Variants in IQANK1 observed in about 807,000 individuals in gnomAD.
IQANK1 encodes IQ motif and ankyrin repeat containing 1.
Under a neutral mutation model 22.6 loss-of-function variants are expected in IQANK1, and 30 were observed. That is an observed-to-expected ratio of 1.33 (90% confidence interval 0.99 to 1.80). The LOEUF is 1.80. Among genes scored for constraint, IQANK1 ranks in the 40% most tolerant of loss-of-function variants. The pLI is 0.00. For missense variants in IQANK1, 275 were observed against 235.2 expected (o/e 1.17, Z -1.11); for synonymous variants, 122 against 99.6 (o/e 1.23, Z -1.34).
Position 143,751,664 on chromosome 8 carries a change from G to GTATATATATATATATA in IQANK1, c.175+11730_175+11731insTATATATATATATATA, listed in dbSNP as rs71318622. Among the ~76,000 whole-genome samples the GTATATATATATATATA allele has an allele frequency of 2.1e-3, 130 of 61,540 alleles. 4 individuals carry two copies. Among genetic ancestry groups the GTATATATATATATATA allele is most frequent in the South Asian group, 0.017 (24 of 1,426 alleles). The allele number at this position is 61,540 out of a possible 152,430, so 40.4% of individuals were successfully genotyped here. The stretch of plus-strand genomic sequence containing the variant: ...TGTGTGTGTGTGTGTGTGTGTGTGT[G>GTATATATATATATATA]TATATATATATATAAAATCCTATAC... On this transcript the variant is annotated intron_variant, in intron 3 of 13. Transcript: ENST00000527139.
chr8:143,757,763 C>G (rs1246872115), intron 3 of IQANK1, among the ~76,000 whole-genome samples: 1 of 152,162 alleles, frequency 6.6e-6, no homozygotes, highest in Non-Finnish European at 1.5e-5. Flanking sequence ...ATTCTCCCAC[C>G]TCAGCCTTTT....
At position 143,773,313 on chromosome 8, in the gene IQANK1, A is replaced by AAC. The variant is rs1554630002; in HGVS notation, c.789+832_789+833insCA. ...CAGAGTGAGACTCAAAAAAAAAAAA[A>AAC]AAACAAAAAAAACACAAAAAAAACA... is the stretch of plus-strand genomic sequence containing the variant. On this transcript the variant is annotated intron_variant, in intron 7 of 13. Transcript: ENST00000527139. Among the ~76,000 whole-genome samples, 504 of 137,018 alleles carry AAC rather than the reference A, an allele frequency of 3.7e-3. 8 individuals are homozygous for AAC. Among genetic ancestry groups the AAC allele is most frequent in the East Asian group, 0.022 (112 of 4,990 alleles). The allele number at this position is 137,018 out of a possible 152,430, so 89.9% of individuals were successfully genotyped here. A position where few individuals can be genotyped will look rare whatever the true frequency, so the allele number is the denominator to read the frequency against.
At chr8:143,738,374 CT>C (rs1163800860) in intron 2 of IQANK1, among the ~76,000 whole-genome samples, 1 of 152,200 alleles carries the variant, frequency 6.6e-6, no homozygotes, top group Non-Finnish European at 1.5e-5. Flanking sequence ...GCTTGGCCCC[CT>C]GTTCCAGGTC....
At chr8:143,757,289 A>C (rs1322965948) in intron 3 of IQANK1, among the ~76,000 whole-genome samples, 2 of 151,966 alleles carry the variant, frequency 1.3e-5, no homozygotes, top group African/African-American at 4.8e-5. Context: ...AGGCCTGCAG[A>C]TACGCCCGGT....
rs1818858390 is a variant in IQANK1, at chr8:143,739,963, G to A, written c.175+15G>A. 1 of 683,858 alleles carries A rather than the reference G, an allele frequency of 1.5e-6. No individual in the cohort carries two copies. 42.4% of individuals were successfully genotyped at this position (683,858 alleles called of 1,614,324 possible). On this transcript the variant is annotated intron_variant, in intron 3 of 13. Coordinates refer to ENST00000527139, the MANE Select transcript of IQANK1 (RefSeq NM_001381874.1). ...GGCCCCCACAGGTGAGAGCCCGCAC[G>A]TCCCGCGCCGCTGTGGGTGACCGGG...
intron 3 of IQANK1, among the ~76,000 whole-genome samples, chr8:143,768,860 A>C (rs575903337): frequency 2.0e-5 from 3 of 152,178 alleles, no homozygotes; most frequent in African/African-American, 7.2e-5. Flanking sequence ...TTTTATGTGC[A>C]TCATCTGCAA....
rs1176075926 is a variant in IQANK1, at chr8:143,789,826, G to C, written c.1152G>C (p.Ala384=). 1.6e-6 allele frequency: 2 copies of C among 1,232,184 alleles called. No individual in the cohort carries two copies. The highest frequency in any genetic ancestry group is 4.2e-5 in the Admixed American group (1 of 23,732). 76.3% of individuals were successfully genotyped at this position (1,232,184 alleles called of 1,614,324 possible). A position where few individuals can be genotyped will look rare whatever the true frequency, so the allele number is the denominator to read the frequency against. Reference sequence around the variant, plus strand: ...AGGAGGCCCAGAAGGCCGAGGAGGCGCTGGCTATGGCCAGGCTGGAGCTTC... The same window carrying C: ...AGGAGGCCCAGAAGGCCGAGGAGGCCCTGGCTATGGCCAGGCTGGAGCTTC... The part of the protein sequence containing the change: ...LRQEAQKAEE[A]LAMARLELRE... The change falls in exon 11 of 14, where the codon GCG becomes GCC. Residue 384 remains alanine (A), a synonymous_variant. Coordinates refer to ENST00000527139, the MANE Select transcript of IQANK1 (RefSeq NM_001381874.1).
At position 143,734,169 on chromosome 8, in the gene IQANK1, AG is replaced by A. The variant is rs1818653054; in HGVS notation, c.-51del. On this transcript the variant is annotated 5_prime_UTR_variant, in exon 1 of 14. Coordinates refer to ENST00000527139, the MANE Select transcript of IQANK1 (RefSeq NM_001381874.1). ...CTAGGAAACGAGCGAGCCCGACGCC[AG>A]GGGCGGAGCTCTGGCCTCCTCGCCG... is the stretch of plus-strand genomic sequence containing the variant. The A allele has an allele frequency of 6.6e-6, 1 of 152,126 alleles. No homozygotes were observed. Among genetic ancestry groups the A allele is most frequent in the African/African-American group, 2.4e-5 (1 of 41,422 alleles). The allele number at this position is 152,126 out of a possible 1,614,324, so 9.4% of individuals were successfully genotyped here.
At chr8:143,772,626 G>A (rs1045828625) in intron 7 of IQANK1, 144 bp downstream of exon 7, 1 of 396,086 alleles carries the variant, frequency 2.5e-6, no homozygotes, top group Non-Finnish European at 4.4e-6. Context: ...TCACCCGACC[G>A]GCTGTCTCTG....
intron 3 of IQANK1, among the ~76,000 whole-genome samples, chr8:143,743,629 C>G (rs529993782): frequency 5.9e-5 from 9 of 152,308 alleles, no homozygotes; most frequent in African/African-American, 2.2e-4. Context: ...GGGTGTGTTC[C>G]TTAAGCTGAA....
chr8:143,741,355 G>A (rs78319681), intron 3 of IQANK1, among the ~76,000 whole-genome samples: 4,573 of 152,072 alleles, frequency 0.03, 223 homozygotes, highest in African/African-American at 0.1. Flanking sequence ...CTGCATCCTG[G>A]CCACACTGAC....
chr8:143,734,827 C>G (rs1324387058), intron 1 of IQANK1, among the ~76,000 whole-genome samples: 19 of 151,396 alleles, frequency 1.3e-4, no homozygotes, highest in African/African-American at 4.4e-4. Context: ...ATACCAGACG[C>G]CCCCCCATGT....
rs1394995181 is a variant in IQANK1, at chr8:143,751,654, G to GTATA, written c.175+11707_175+11708insATAT. On this transcript the variant is annotated intron_variant, in intron 3 of 13. Transcript: ENST00000527139. ...TGTGTGTGTGTGTGTGTGTGTGTGT[G>GTATA]TGTGTGTGTGTATATATATATATAA... 1.5e-3 allele frequency among the ~76,000 whole-genome samples: 54 copies of GTATA among 37,032 alleles called. No homozygotes were observed. In the South Asian group the frequency reaches 0.02, roughly 14 times the overall value. The allele number at this position is 37,032 out of a possible 152,430, so 24.3% of individuals were successfully genotyped here.
chr8:143,781,349 G>C (rs886237751), intron 7 of IQANK1, among the ~76,000 whole-genome samples: 2 of 152,020 alleles, frequency 1.3e-5, no homozygotes, highest in Admixed American at 1.3e-4. Context: ...GTCAATTTTT[G>C]CTTTTGTTTT....
chr8:143,742,249 C>G (rs1238033041), intron 3 of IQANK1: 1 of 400,070 alleles, frequency 2.5e-6, no homozygotes, highest in Non-Finnish European at 5.1e-6. Flanking sequence ...GTCAGTGATA[C>G]ACAGCGCTCA....
chr8:143,780,490 A>G (rs1379740608), intron 7 of IQANK1, among the ~76,000 whole-genome samples: 1 of 152,046 alleles, frequency 6.6e-6, no homozygotes, highest in East Asian at 1.9e-4. Context: ...TCCACCCTCA[A>G]GTAGATCCTA....
At chr8:143,745,146 C>T (rs1205764377) in intron 3 of IQANK1, 1 of 152,268 alleles carries the variant, frequency 6.6e-6, no homozygotes, top group African/African-American at 2.4e-5. Context: ...GGCTTCCAGC[C>T]TCCTCTTCAG....
intron 9 of IQANK1, 90 bp from the exon 10 acceptor site, chr8:143,789,346 G>A (rs1317099423): frequency 3.3e-6 from 2 of 599,104 alleles, no homozygotes; most frequent in East Asian, 3.4e-5. Context: ...AGAGCCAGGA[G>A]GGGAGGTGTC....
At position 143,774,624 on chromosome 8, in the gene IQANK1, C is replaced by T. The variant is rs1369222676; in HGVS notation, c.789+2142C>T. Among the ~76,000 whole-genome samples the T allele has an allele frequency of 6.6e-6, 1 of 152,164 alleles. No individual in the cohort carries two copies. The highest frequency in any genetic ancestry group is 2.4e-5 in the African/African-American group (1 of 41,430). On this transcript the variant is annotated intron_variant, in intron 7 of 13. Coordinates refer to ENST00000527139, the MANE Select transcript of IQANK1 (RefSeq NM_001381874.1). This position sits in a 1 kb window ranked among gnomAD's most constrained non-coding sequence, Gnocchi z 4.2. ...TTTCTTAAAAAGTGAACACATTTAC[C>T]ATGTAACACAGCATCAGACTCCTAG...
Sources: allele counts gnomAD v4.1 joint callset (sites outside exome capture counted in the v4.1 genomes callset), GRCh38; gene constraint gnomAD v4.1.1; non-coding constraint Gnocchi (gnomAD v3.1); transcripts MANE v1.5; gene names NCBI Gene and HGNC (gene_info 2026-07-23, HGNC 2026-07-21).